Variants in FERMT2 observed in about 807,000 individuals in gnomAD.
The protein encoded by FERMT2 is FERM domain containing kindlin 2, also known as fermitin family homolog 2.
Under a neutral mutation model 82.7 loss-of-function variants are expected in FERMT2, and 15 were observed. The observed-to-expected ratio is 0.18, with a 90% CI of 0.12 to 0.28. The LOEUF is 0.28. Ranked by LOEUF, FERMT2 falls within the 10% of genes least tolerant of loss-of-function variation. The pLI, the probability that FERMT2 is intolerant of heterozygous loss-of-function variation, is 1.00. For synonymous variants in FERMT2, 274 were observed against 271.5 expected (o/e 1.01, Z -0.09); for missense variants, 645 against 809.4 (o/e 0.80, Z 2.46).
intron 2 of FERMT2, among the ~76,000 whole-genome samples, chr14:52,947,558 G>T (rs751526242): frequency 3.9e-5 from 6 of 152,212 alleles, no homozygotes; most frequent in Non-Finnish European, 7.3e-5. Context: ...TCTAAAAATT[G>T]TGTTTTAATG....
chr14:52,919,930 T>TAC (rs1453386730), intron 2 of FERMT2, among the ~76,000 whole-genome samples: 1 of 152,140 alleles, frequency 6.6e-6, no homozygotes, highest in Non-Finnish European at 1.5e-5. Flanking sequence ...AATAAAAAAC[T>TAC]ACATTCTGGC....
Position 52,858,547 on chromosome 14 carries a change from T to C in FERMT2, c.1873A>G (p.Thr625Ala). Residue 625 changes from threonine to alanine, a missense_variant, in exon 15 of 15, where the codon ACC becomes GCC. Thr to Ala is a moderately conservative substitution (Grantham distance 58). Coordinates refer to ENST00000341590, the MANE Select transcript of FERMT2 (RefSeq NM_006832.3). ...CGTACTTCATCTGCAAACTCTACGGTGACCTGGAACAAAGACAAGAGCCAT... is the reference window on the plus strand; with the variant it reads ...CGTACTTCATCTGCAAACTCTACGGCGACCTGGAACAAAGACAAGAGCCAT... ...WNVNWEIKMV[T>A]VEFADEVRLS... is the part of the protein sequence containing the mutation. 1 of 1,613,916 alleles carries C rather than the reference T, an allele frequency of 6.2e-7. No individual in the cohort carries two copies. Among genetic ancestry groups the C allele is most frequent in the Non-Finnish European group, 8.5e-7 (1 of 1,179,868 alleles).
chr14:52,903,562 A>C (rs1487406933), intron 3 of FERMT2, among the ~76,000 whole-genome samples: 1 of 151,860 alleles, frequency 6.6e-6, no homozygotes, highest in Non-Finnish European at 1.5e-5. Context: ...TAAATAAAAG[A>C]AAAAAGAAAA....
chr14:52,917,271 CGTGT>C (rs150322009), intron 3 of FERMT2, among the ~76,000 whole-genome samples: 63 of 147,634 alleles, frequency 4.3e-4, no homozygotes, highest in Middle Eastern at 3.5e-3. Flanking sequence ...CACAGAGATA[CGTGT>C]GTGTGTGTGT....
chr14:52,858,824 GTGAT>G (rs542628897), intron 14 of FERMT2: 100 of 295,306 alleles, frequency 3.4e-4, no homozygotes, highest in African/African-American at 2.1e-3. Flanking sequence ...ATGGTCTCTG[GTGAT>G]TGATTCAATT....
intron 11 of FERMT2, 44 bp downstream of exon 11, chr14:52,864,703 C>G (rs1414249811): frequency 3.8e-6 from 6 of 1,574,556 alleles, no homozygotes; most frequent in Non-Finnish European, 5.2e-6. Flanking sequence ...GACTGGTCAA[C>G]TCATTTAAGA....
At chr14:52,894,902 AC>A (rs1399886507) in intron 3 of FERMT2, among the ~76,000 whole-genome samples, 5 of 126,628 alleles carry the variant, frequency 3.9e-5, no homozygotes, top group African/African-American at 1.4e-4. Flanking sequence ...AAAAAAAAAA[AC>A]CCCAACCTAC....
Position 52,875,976 on chromosome 14 carries a change from A to G in FERMT2, c.964-619T>C, listed in dbSNP as rs557771123. Among the ~76,000 whole-genome samples, 15 of 152,320 alleles carry G rather than the reference A, an allele frequency of 9.8e-5. 1 individual carries two copies. The South Asian group carries it at 3.1e-3, about 32-fold the overall frequency. ...GAGTAGTGAGTAGTGATGACTACTC[A>G]TATGTAGACAGGAAAATTTTTGGAT... On this transcript the variant is annotated intron_variant, in intron 7 of 14. Transcript: ENST00000341590.
intron 4 of FERMT2, among the ~76,000 whole-genome samples, chr14:52,884,778 A>T (rs1886492153): frequency 6.6e-6 from 1 of 151,936 alleles, no homozygotes; most frequent in South Asian, 2.1e-4. Context: ...AGGCAGGCAG[A>T]TCACCTGAGG....
chr14:52,886,596 A>G (rs1886623909), intron 4 of FERMT2, among the ~76,000 whole-genome samples: 1 of 152,222 alleles, frequency 6.6e-6, no homozygotes, highest in African/African-American at 2.4e-5. Context: ...TATAAGAACT[A>G]GGGAGACTTC....
rs1566755584 is a variant in FERMT2, at chr14:52,927,590, T to TAAAAAAAAAAA, written c.158-8235_158-8234insTTTTTTTTTTT. ...GGGCAACATAGCAAAACCTCATCCC[T>TAAAAAAAAAAA]ATAAAAAAAAAAAAAAAAAAAAAAA... On this transcript the variant is annotated intron_variant, in intron 2 of 14. Coordinates refer to ENST00000341590, the MANE Select transcript of FERMT2 (RefSeq NM_006832.3). Among the ~76,000 whole-genome samples, 24 of 11,804 alleles carry TAAAAAAAAAAA rather than the reference T, an allele frequency of 2.0e-3. 1 individual carries two copies. Among genetic ancestry groups the TAAAAAAAAAAA allele is most frequent in the African/African-American group, 6.1e-3 (24 of 3,960 alleles). The allele number at this position is 11,804 out of a possible 152,430, so 7.7% of individuals were successfully genotyped here.
At chr14:52,927,623 A>AAAAAAAAAAAAAAAAAAT (rs1889357451) in intron 2 of FERMT2, among the ~76,000 whole-genome samples, 1 of 144,894 alleles carries the variant, frequency 6.9e-6, no homozygotes, top group Non-Finnish European at 1.5e-5. Context: ...AAAAAAAAAA[A>AAAAAAAAAAAAAAAAAAT]TCCAGGCATG....
intron 12 of FERMT2, 57 bp from the exon 13 acceptor site, chr14:52,860,522 TGA>T: frequency 6.7e-7 from 1 of 1,496,164 alleles, no homozygotes; most frequent in African/African-American, 1.4e-5. Context: ...ATGGGAGAAC[TGA>T]GACAAAAGAT....
chr14:52,860,141 A>C (rs1884837510), intron 13 of FERMT2, 200 bp downstream of exon 13: 1 of 533,632 alleles, frequency 1.9e-6, no homozygotes, highest in Non-Finnish European at 3.2e-6. Flanking sequence ...CTTAGTAGTA[A>C]AACAAACACA....
intron 8 of FERMT2, among the ~76,000 whole-genome samples, chr14:52,874,929 G>T (rs1414360700): frequency 6.6e-6 from 1 of 152,066 alleles, no homozygotes; most frequent in East Asian, 1.9e-4. Context: ...GTGGTGCATG[G>T]TTGTAGTCTC....
At chr14:52,918,360 G>C (rs1888744225) in intron 3 of FERMT2, among the ~76,000 whole-genome samples, 1 of 152,154 alleles carries the variant, frequency 6.6e-6, no homozygotes, top group Admixed American at 6.6e-5. Flanking sequence ...CTTAGGGGAA[G>C]GGGGAGCTTA....
chr14:52,871,228 G>C (rs1436986212), intron 10 of FERMT2, among the ~76,000 whole-genome samples: 2 of 152,130 alleles, frequency 1.3e-5, no homozygotes, highest in Non-Finnish European at 1.5e-5. Context: ...TGGAATCTAA[G>C]TCTCATTGGA....
intron 3 of FERMT2, among the ~76,000 whole-genome samples, chr14:52,907,690 G>A (rs1888095282): frequency 6.6e-6 from 1 of 151,800 alleles, no homozygotes; most frequent in Non-Finnish European, 1.5e-5. Flanking sequence ...AAACCCTAGA[G>A]CAACCATTAA....
chr14:52,882,942 A>C (rs1886374690), intron 4 of FERMT2, among the ~76,000 whole-genome samples: 1 of 152,170 alleles, frequency 6.6e-6, no homozygotes. Context: ...TCACTCCTGT[A>C]ATCTCAGCAC....
Sources: allele counts gnomAD v4.1 joint callset (sites outside exome capture counted in the v4.1 genomes callset), GRCh38; gene constraint gnomAD v4.1.1; transcripts MANE v1.5; gene names NCBI Gene and HGNC (gene_info 2026-07-23, HGNC 2026-07-21).